The following PACRG variants were observed in gnomAD, a reference collection of about 807,000 sequenced individuals.
The protein encoded by PACRG is parkin coregulated gene protein.
PACRG carries 29 observed loss-of-function variants against 29.7 expected under a neutral mutation model. The ratio of observed to expected loss-of-function variants is 0.98; its 90% CI spans 0.73 to 1.33. PACRG has a LOEUF of 1.33. Among genes scored for constraint, PACRG ranks in the 40% most tolerant of loss-of-function variants. The pLI is 0.00. For synonymous variants in PACRG, 116 were observed against 118.7 expected, an observed-to-expected ratio of 0.98 and a Z score of 0.15; for missense variants, 279 against 316.2, an observed-to-expected ratio of 0.88 and a Z score of 0.89.
At chr6:162,995,112 C>G (rs1322862537) in intron 2 of PACRG, among the ~76,000 whole-genome samples, 2 of 150,978 alleles carry the variant, frequency 1.3e-5, no homozygotes, top group Non-Finnish European at 2.9e-5. Flanking sequence ...AGATCTCCAG[C>G]TGCGTGCTGG....
intron 4 of PACRG, among the ~76,000 whole-genome samples, chr6:163,122,455 G>A (rs971001184): frequency 6.6e-5 from 10 of 152,292 alleles, no homozygotes; most frequent in South Asian, 2.1e-4. Context: ...GATCCCTCGC[G>A]AATGGCTTGG....
At chr6:163,095,108 G>C (rs1051130641) in intron 4 of PACRG, among the ~76,000 whole-genome samples, 1 of 152,104 alleles carries the variant, frequency 6.6e-6, no homozygotes, top group Admixed American at 6.5e-5. Context: ...CCTGGGAAGG[G>C]CTCAGGCCTC....
intron 4 of PACRG, among the ~76,000 whole-genome samples, chr6:163,313,093 C>T (rs568119878): frequency 6.2e-5 from 9 of 144,598 alleles, no homozygotes; most frequent in Non-Finnish European, 9.1e-5. Flanking sequence ...CTCTCTCATT[C>T]GTGTGTGTAT....
At chr6:163,056,520 G>T (rs1810605252) in intron 2 of PACRG, among the ~76,000 whole-genome samples, 3 of 152,076 alleles carry the variant, frequency 2.0e-5, no homozygotes, top group South Asian at 4.1e-4. Flanking sequence ...TTTTAACAGG[G>T]ACTTATAAAC....
At position 162,728,128 on chromosome 6, in the gene PACRG, C is replaced by T. The variant is rs926424543; in HGVS notation, c.-108C>T. The T allele has an allele frequency of 1.1e-5, 15 of 1,334,832 alleles. No homozygotes were observed. The highest frequency in any genetic ancestry group is 2.3e-5 in the East Asian group (1 of 43,292). The allele number at this position is 1,334,832 out of a possible 1,614,324, so 82.7% of individuals were successfully genotyped here. A position where few individuals can be genotyped will look rare whatever the true frequency, so the allele number is the denominator to read the frequency against. On this transcript the variant is annotated 5_prime_UTR_variant, in exon 1 of 5. Transcript: ENST00000366888. The stretch of plus-strand genomic sequence containing the variant: ...GGCACTACGAGGGGTTGAATTTCTA[C>T]CATTATCGCGCCTTTTGATATTTTT...
At chr6:163,120,754 G>GT (rs1328858379) in intron 4 of PACRG, among the ~76,000 whole-genome samples, 1 of 152,126 alleles carries the variant, frequency 6.6e-6, no homozygotes, top group Non-Finnish European at 1.5e-5. Context: ...CAACTGAAGA[G>GT]TTTGAGTCAG....
intron 1 of PACRG, among the ~76,000 whole-genome samples, chr6:162,787,464 T>C (rs558615424): frequency 6.6e-6 from 1 of 150,466 alleles, no homozygotes; most frequent in South Asian, 2.1e-4. Flanking sequence ...AACTCTATTA[T>C]GTATATAGTT....
intron 4 of PACRG, among the ~76,000 whole-genome samples, chr6:163,109,326 G>C (rs977741060): frequency 6.6e-6 from 1 of 152,158 alleles, no homozygotes; most frequent in African/African-American, 2.4e-5. Context: ...CCCCTACTAT[G>C]CTGTAACAGT....
intron 2 of PACRG, among the ~76,000 whole-genome samples, chr6:162,865,390 A>G (rs1423144252): frequency 6.6e-6 from 1 of 152,238 alleles, no homozygotes; most frequent in Non-Finnish European, 1.5e-5. Context: ...ATAGGGATAC[A>G]GCATCTTAAT....
intron 4 of PACRG, among the ~76,000 whole-genome samples, chr6:163,139,688 T>A (rs1282461166): frequency 6.6e-6 from 1 of 150,582 alleles, no homozygotes; most frequent in African/African-American, 2.4e-5. Flanking sequence ...GTCTATTAGG[T>A]TGGTGCTAAA....
chr6:162,966,500 G>A lies in PACRG; in HGVS notation c.292-95650G>A, dbSNP rs369159712. On this transcript the variant is annotated intron_variant, in intron 2 of 4. Coordinates refer to ENST00000366888, the MANE Select transcript of PACRG (RefSeq NM_001080379.2). The stretch of plus-strand genomic sequence containing the variant: ...GTATTTTTTTTTTTTTTTTTGAGGC[G>A]GAGTCTCACTCTGTTGCCCAGGCTG... Among the ~76,000 whole-genome samples the A allele has an allele frequency of 4.7e-5, 7 of 148,468 alleles. 1 individual carries two copies. Among genetic ancestry groups the A allele is most frequent in the African/African-American group, 1.8e-4 (7 of 39,902 alleles).
intron 1 of PACRG, among the ~76,000 whole-genome samples, chr6:162,755,240 TGTTA>T (rs1297952831): frequency 1.3e-5 from 2 of 152,108 alleles, no homozygotes; most frequent in African/African-American, 4.8e-5. Flanking sequence ...TGCAAAAACC[TGTTA>T]GTTTGGTTGT....
chr6:162,825,339 G>A (rs1484458942), intron 2 of PACRG, among the ~76,000 whole-genome samples: 1 of 152,040 alleles, frequency 6.6e-6, no homozygotes. Flanking sequence ...ATACGAGCTG[G>A]GCTTTCTCAT....
At chr6:162,848,667 G>A (rs139286595) in intron 2 of PACRG, among the ~76,000 whole-genome samples, 1 of 152,312 alleles carries the variant, frequency 6.6e-6, no homozygotes, top group African/African-American at 2.4e-5. Flanking sequence ...TCCATTCTTT[G>A]TGATTTTACT....
intron 2 of PACRG, among the ~76,000 whole-genome samples, chr6:163,056,423 C>T (rs1017224428): frequency 1.3e-5 from 2 of 152,148 alleles, no homozygotes; most frequent in Admixed American, 1.3e-4. Context: ...TCATTGTGGG[C>T]AGGTCTGTGT....
intron 2 of PACRG, among the ~76,000 whole-genome samples, chr6:163,000,947 T>C (rs1776343015): frequency 6.6e-6 from 1 of 152,196 alleles, no homozygotes; most frequent in South Asian, 2.1e-4. Flanking sequence ...CAGCCTCAGA[T>C]AGCTGCTGAG....
At chr6:162,793,806 C>G (rs986289725) in intron 1 of PACRG, among the ~76,000 whole-genome samples, 1 of 152,108 alleles carries the variant, frequency 6.6e-6, no homozygotes, top group Non-Finnish European at 1.5e-5. Context: ...AGAGAAGGGT[C>G]ATTCCCCAAC....
At chr6:163,103,371 G>T (rs1200687631) in intron 4 of PACRG, among the ~76,000 whole-genome samples, 1 of 152,164 alleles carries the variant, frequency 6.6e-6, no homozygotes, top group Non-Finnish European at 1.5e-5. Flanking sequence ...TTCAAAGCCA[G>T]CAATGGAGGG....
chr6:162,981,374 A>G (rs1210581179), intron 2 of PACRG, among the ~76,000 whole-genome samples: 1 of 151,276 alleles, frequency 6.6e-6, no homozygotes. Context: ...AGAAAATGTG[A>G]TATATATATG....
Sources: allele counts gnomAD v4.1 joint callset (sites outside exome capture counted in the v4.1 genomes callset), GRCh38; gene constraint gnomAD v4.1.1; transcripts MANE v1.5; gene names NCBI Gene and HGNC (gene_info 2026-07-23, HGNC 2026-07-21).